The following FAT3 variants were observed in gnomAD, a reference collection of about 807,000 sequenced individuals.
The protein encoded by FAT3 is protocadherin Fat 3.
A neutral mutation model predicts 310.2 loss-of-function variants in FAT3; 95 were observed. That is an observed-to-expected ratio of 0.31 (90% CI 0.26 to 0.36). FAT3 has a LOEUF of 0.36. FAT3 is among the 10% of genes least tolerant of loss of function. The pLI, the probability that FAT3 is intolerant of heterozygous loss-of-function variation, is 1.00. For missense variants in FAT3, 5,408 were observed against 5,715.6 expected (o/e 0.95, Z 1.74); for synonymous variants, 2,314 against 2,192.9 (o/e 1.06, Z -1.54).
chr11:92,585,177 G>A (rs1207931726), intron 3 of FAT3, among the ~76,000 whole-genome samples: 2 of 152,046 alleles, frequency 1.3e-5, no homozygotes, highest in Admixed American at 1.3e-4. Flanking sequence ...TTGTATAGAC[G>A]TGAAGGGTTG....
chr11:92,513,605 A>G (rs1489418815), intron 2 of FAT3, among the ~76,000 whole-genome samples: 2 of 152,190 alleles, frequency 1.3e-5, no homozygotes, highest in Admixed American at 6.6e-5. Context: ...ATTTCTTTGC[A>G]CCTTCCTATG....
At chr11:92,238,301 A>G (rs1008790360) in intron 1 of FAT3, among the ~76,000 whole-genome samples, 9 of 152,104 alleles carry the variant, frequency 5.9e-5, no homozygotes, top group Non-Finnish European at 1.0e-4. Context: ...AAACATATTA[A>G]CTTACTTAGT....
At chr11:92,721,125 T>A (rs2135973086) in intron 4 of FAT3, among the ~76,000 whole-genome samples, 1 of 152,262 alleles carries the variant, frequency 6.6e-6, no homozygotes, top group East Asian at 1.9e-4. Context: ...GTGTGTATTG[T>A]CCCCCAATAC....
intron 2 of FAT3, among the ~76,000 whole-genome samples, chr11:92,463,953 G>A (rs753318887): frequency 1.3e-5 from 2 of 152,174 alleles, no homozygotes; most frequent in Admixed American, 6.6e-5. Context: ...CCACGTGAAT[G>A]TGGTAAAATA....
At chr11:92,561,558 G>A (rs1467904519) in intron 3 of FAT3, among the ~76,000 whole-genome samples, 1 of 151,352 alleles carries the variant, frequency 6.6e-6, no homozygotes, top group African/African-American at 2.4e-5. Context: ...AGGGAGTATT[G>A]GTTTGTTTCA....
intron 13 of FAT3, among the ~76,000 whole-genome samples, chr11:92,824,781 T>C (rs1025531969): frequency 1.3e-5 from 2 of 152,220 alleles, no homozygotes; most frequent in African/African-American, 4.8e-5. Context: ...TTCTGCCTTT[T>C]TTTTTTCCAC....
intron 3 of FAT3, among the ~76,000 whole-genome samples, chr11:92,571,540 C>T (rs1955663647): frequency 6.6e-6 from 1 of 152,212 alleles, no homozygotes; most frequent in African/African-American, 2.4e-5. Flanking sequence ...ATTAGCACCT[C>T]ACTTCTCTTT....
chr11:92,394,706 AG>A (rs547470492), intron 2 of FAT3, among the ~76,000 whole-genome samples: 105 of 152,150 alleles, frequency 6.9e-4, no homozygotes, highest in African/African-American at 2.2e-3. Context: ...AAAAATTTAA[AG>A]GAAAAAAACT....
intron 3 of FAT3, among the ~76,000 whole-genome samples, chr11:92,592,318 C>CTT (rs753531647): frequency 0.17 from 18,361 of 108,206 alleles, 2,891 homozygotes; most frequent in African/African-American, 0.27. Flanking sequence ...TCCTAATTGT[C>CTT]TTTTTTTTTT....
chr11:92,356,164 C>T (rs1378004790), intron 2 of FAT3, among the ~76,000 whole-genome samples: 2 of 152,016 alleles, frequency 1.3e-5, no homozygotes, highest in South Asian at 2.1e-4. Flanking sequence ...TTGTTATTGT[C>T]GCTATTTGTC....
At chr11:92,672,809 C>A (rs937798225) in intron 3 of FAT3, among the ~76,000 whole-genome samples, 1 of 152,120 alleles carries the variant, frequency 6.6e-6, no homozygotes, top group Non-Finnish European at 1.5e-5. Flanking sequence ...AGTAGATTTT[C>A]TTTTGTTTTG....
intron 3 of FAT3, among the ~76,000 whole-genome samples, chr11:92,539,739 C>T (rs1954379307): frequency 6.6e-6 from 1 of 152,072 alleles, no homozygotes; most frequent in South Asian, 2.1e-4. Flanking sequence ...AGGGTTATTC[C>T]AGATAACTGA....
At chr11:92,335,296 A>T (rs1948037074) in intron 1 of FAT3, among the ~76,000 whole-genome samples, 1 of 151,712 alleles carries the variant, frequency 6.6e-6, no homozygotes, top group South Asian at 2.1e-4. Flanking sequence ...TTCCTAAATG[A>T]TTTCAAATTG....
intron 16 of FAT3, 135 bp from the exon 17 acceptor site, chr11:92,837,528 C>A: frequency 9.4e-7 from 1 of 1,063,790 alleles, no homozygotes; most frequent in Non-Finnish European, 1.3e-6. Context: ...TGCCAAGAAT[C>A]ACCCGGTCTG....
chr11:92,442,079 T>TTATATATA (rs1555047694), intron 2 of FAT3, among the ~76,000 whole-genome samples: 5 of 67,254 alleles, frequency 7.4e-5, no homozygotes, highest in African/African-American at 3.5e-4. Context: ...GAAATATATA[T>TTATATATA]TTTATATATA....
chr11:92,799,403 T>G lies in FAT3; in HGVS notation c.6390T>G (p.Phe2130Leu), dbSNP rs1385332357. The change falls in exon 10 of 28, where the codon TTT becomes TTG. Residue 2130 changes from phenylalanine to leucine, a missense_variant. This residue lies in a region of FAT3 where 4,588 missense variants were observed against 4,809.8 expected (regional missense o/e 0.95). Coordinates refer to ENST00000525166, the MANE Select transcript of FAT3 (RefSeq NM_001367949.2). ...TYVLQDDYGH[F>L]EINPNSGNVI... ...TCCTGCAGGATGACTATGGCCACTT[T>G]GAAATTAACCCTAATTCAGGGAATG... 3 of 1,613,676 alleles carry G rather than the reference T, an allele frequency of 1.9e-6. No individual in the cohort carries two copies. The Admixed American group carries it at 5.0e-5, about 27-fold the overall frequency.
intron 2 of FAT3, among the ~76,000 whole-genome samples, chr11:92,496,934 C>T (rs562188906): frequency 4.6e-5 from 7 of 152,124 alleles, no homozygotes; most frequent in East Asian, 1.9e-4. Context: ...ACATGACTCC[C>T]GTGCTATTTC....
At chr11:92,792,541 A>G (rs1947065205) in intron 8 of FAT3, among the ~76,000 whole-genome samples, 1 of 152,180 alleles carries the variant, frequency 6.6e-6, no homozygotes, top group Admixed American at 6.6e-5. Flanking sequence ...ACCACAGGCC[A>G]GACATTAGGC....
intron 2 of FAT3, among the ~76,000 whole-genome samples, chr11:92,509,336 G>C (rs1953213175): frequency 1.3e-5 from 2 of 152,108 alleles, no homozygotes; most frequent in Admixed American, 1.3e-4. Context: ...CCTTTGACCT[G>C]TCAATTCTAC....
Sources: allele counts gnomAD v4.1 joint callset (sites outside exome capture counted in the v4.1 genomes callset), GRCh38; gene constraint gnomAD v4.1.1; regional missense constraint gnomAD v4.1.1; transcripts MANE v1.5; gene names NCBI Gene and HGNC (gene_info 2026-07-23, HGNC 2026-07-21).